RHOJ: variants seen among roughly 807,000 people sequenced by gnomAD.
RHOJ encodes rho-related GTP-binding protein RhoJ.
Under a neutral mutation model 23.4 loss-of-function variants are expected in RHOJ, and 11 were observed. That is an observed-to-expected ratio of 0.47 (90% CI 0.30 to 0.78). The LOEUF is 0.78. RHOJ is among the 30% of genes least tolerant of loss of function. The pLI, the probability that RHOJ is intolerant of heterozygous loss-of-function variation, is 0.08. For synonymous variants in RHOJ, 102 were observed against 102.7 expected (o/e 0.99, Z 0.04); for missense variants, 254 against 273.4 (o/e 0.93, Z 0.50).
chr14:63,235,145 G>C (rs946491482), intron 1 of RHOJ, among the ~76,000 whole-genome samples: 2 of 151,346 alleles, frequency 1.3e-5, no homozygotes, highest in East Asian at 1.9e-4. Flanking sequence ...TTATCAAAAG[G>C]CATATCAAAA....
chr14:63,269,285 C>A, intron 2 of RHOJ, 117 bp downstream of exon 2: 1 of 651,736 alleles, frequency 1.5e-6, no homozygotes, highest in Non-Finnish European at 2.7e-6. Flanking sequence ...TCATTTGGGG[C>A]CAATTTATTG....
chr14:63,287,263 C>G (rs534161793), intron 4 of RHOJ, among the ~76,000 whole-genome samples: 1 of 152,174 alleles, frequency 6.6e-6, no homozygotes, highest in African/African-American at 2.4e-5. Flanking sequence ...CAGACAAATT[C>G]GAATCTCTGC....
At chr14:63,229,722 C>A (rs1894656122) in intron 1 of RHOJ, among the ~76,000 whole-genome samples, 1 of 152,144 alleles carries the variant, frequency 6.6e-6, no homozygotes, top group South Asian at 2.1e-4. Flanking sequence ...AGACTCTCTG[C>A]TTTTAAAGGG....
At chr14:63,214,767 C>T (rs1894316724) in intron 1 of RHOJ, among the ~76,000 whole-genome samples, 1 of 152,170 alleles carries the variant, frequency 6.6e-6, no homozygotes, top group African/African-American at 2.4e-5. Flanking sequence ...ACTAACCTTA[C>T]TTACCCAAGG....
chr14:63,266,272 A>G (rs1895365166), intron 1 of RHOJ, among the ~76,000 whole-genome samples: 1 of 152,216 alleles, frequency 6.6e-6, no homozygotes, highest in Non-Finnish European at 1.5e-5. Context: ...CTGTTTTGTC[A>G]GTCACAAGAC....
intron 1 of RHOJ, among the ~76,000 whole-genome samples, chr14:63,218,480 T>C (rs751070409): frequency 6.6e-6 from 1 of 152,230 alleles, no homozygotes; most frequent in Non-Finnish European, 1.5e-5. Context: ...CTGTGTTTTA[T>C]AGTAATGAAT....
In RHOJ at chr14:63,282,286, GCACACACACACACACACA is replaced by G. The variant is rs36227581; in HGVS notation, c.403-814_403-797del. Among the ~76,000 whole-genome samples, 7 of 133,194 alleles carry G rather than the reference GCACACACACACACACACA, an allele frequency of 5.3e-5. No individual in the cohort carries two copies. In the South Asian group the frequency reaches 7.9e-4, roughly 15 times the overall value. 87.4% of individuals were successfully genotyped at this position (133,194 alleles called of 152,430 possible). ...ACAATTATCACACACACAAACACATGCACACACACACACACACACACACACACACACACACACAATTAG... is the reference window on the plus strand; with the variant it reads ...ACAATTATCACACACACAAACACATGCACACACACACACACACACAATTAG... On this transcript the variant is annotated intron_variant, in intron 3 of 4. Transcript: ENST00000316754.
chr14:63,212,049 C>T (rs185483107), intron 1 of RHOJ, among the ~76,000 whole-genome samples: 16 of 152,308 alleles, frequency 1.1e-4, no homozygotes, highest in African/African-American at 3.6e-4. Flanking sequence ...CTGCTTTCTT[C>T]CATGTGGTCA....
intron 1 of RHOJ, among the ~76,000 whole-genome samples, chr14:63,237,900 A>C (rs1426699718): frequency 6.6e-6 from 1 of 152,188 alleles, no homozygotes; most frequent in African/African-American, 2.4e-5. Flanking sequence ...AGTACAACTT[A>C]GGTGTGAGAT....
chr14:63,265,252 A>G (rs953196215), intron 1 of RHOJ, among the ~76,000 whole-genome samples: 8 of 152,204 alleles, frequency 5.3e-5, no homozygotes, highest in African/African-American at 1.9e-4. Flanking sequence ...CTAGCCAGCT[A>G]TCCCAGCACC....
At chr14:63,218,822 TC>T (rs1450684504) in intron 1 of RHOJ, among the ~76,000 whole-genome samples, 16 of 152,320 alleles carry the variant, frequency 1.1e-4, no homozygotes, top group African/African-American at 3.4e-4. Context: ...GCCTACTACT[TC>T]ATCAACTAGC....
rs138877728 is a variant in RHOJ at position 63,271,452 on chromosome 14, A to G, written c.237+2284A>G. Reference sequence around the variant, plus strand: ...CAGGATAACTTGTAATTCATTTTCTAGAACAGTGATTCTCAAACTGGAGTA... The same window carrying G: ...CAGGATAACTTGTAATTCATTTTCTGGAACAGTGATTCTCAAACTGGAGTA... On this transcript the variant is annotated intron_variant, in intron 2 of 4. Transcript: ENST00000316754. 5.7e-3 allele frequency among the ~76,000 whole-genome samples: 872 copies of G among 152,368 alleles called. 5 individuals carry two copies. The highest frequency in any genetic ancestry group is 0.012 in the Admixed American group (177 of 15,308).
chr14:63,229,390 A>G (rs1894650717), intron 1 of RHOJ, among the ~76,000 whole-genome samples: 1 of 152,378 alleles, frequency 6.6e-6, no homozygotes. Context: ...AGCAGGCATG[A>G]ATAGATTCTC....
Position 63,293,129 on chromosome 14 carries a change from T to C in RHOJ, c.*2105T>C, listed in dbSNP as rs564353825. 6.6e-6 allele frequency: 1 copy of C among 152,244 alleles called. No individual in the cohort carries two copies. The highest frequency in any genetic ancestry group is 2.4e-5 in the African/African-American group (1 of 41,462). The allele number at this position is 152,244 out of a possible 1,614,324, so 9.4% of individuals were successfully genotyped here. A position where few individuals can be genotyped will look rare whatever the true frequency, so the allele number is the denominator to read the frequency against. On this transcript the variant is annotated 3_prime_UTR_variant, in exon 5 of 5. Coordinates refer to ENST00000316754, the MANE Select transcript of RHOJ (RefSeq NM_020663.5). ...CCTTTATAAATGGAAATCAACTGTG[T>C]ATGAACTATAACTCTGCAGAGGTTA...
chr14:63,250,786 C>A (rs1032619359), intron 1 of RHOJ, among the ~76,000 whole-genome samples: 1 of 152,180 alleles, frequency 6.6e-6, no homozygotes, highest in African/African-American at 2.4e-5. Context: ...GTAATTCCAG[C>A]ACTTTGGGAG....
chr14:63,277,604 G>A (rs1348991888), intron 2 of RHOJ, among the ~76,000 whole-genome samples: 1 of 152,336 alleles, frequency 6.6e-6, no homozygotes, highest in Non-Finnish European at 1.5e-5. Flanking sequence ...GCAGGTCACT[G>A]TAGAGGTCAT....
chr14:63,236,203 T>A (rs1379852870), intron 1 of RHOJ, among the ~76,000 whole-genome samples: 1 of 152,214 alleles, frequency 6.6e-6, no homozygotes, highest in Non-Finnish European at 1.5e-5. Flanking sequence ...CCTGACATAG[T>A]ACCTTTTCTT....
At chr14:63,251,388 A>G (rs2144113) in intron 1 of RHOJ, among the ~76,000 whole-genome samples, 12,425 of 152,278 alleles carry the variant, frequency 0.082, 1,505 homozygotes, top group African/African-American at 0.26. Context: ...TCAAGATCAC[A>G]TTTAGAACCT....
intron 1 of RHOJ, among the ~76,000 whole-genome samples, chr14:63,262,681 G>A (rs2139650050): frequency 6.6e-6 from 1 of 152,308 alleles, no homozygotes; most frequent in African/African-American, 2.4e-5. Context: ...ATCTTGCCAG[G>A]AGCTTCAAGC....
Sources: gnomAD v4.1 joint callset for allele counts (sites outside exome capture counted in the v4.1 genomes callset) on GRCh38, gnomAD v4.1.1 for gene constraint, MANE v1.5 for transcripts, NCBI Gene and HGNC (gene_info 2026-07-23, HGNC 2026-07-21) for gene names.